ATP11C: variants seen among roughly 807,000 people sequenced by gnomAD.
ATP11C encodes phospholipid-transporting ATPase IG.
In ATP11C, 36 loss-of-function variants were observed where a neutral mutation model predicts 97.4. That is an observed-to-expected ratio of 0.37 (90% confidence interval 0.28 to 0.49). The LOEUF is 0.49. Among genes scored for constraint, ATP11C ranks in the 20% least tolerant of loss-of-function variants. The pLI, the probability that ATP11C is intolerant of heterozygous loss-of-function variation, is 0.98. For synonymous variants in ATP11C, 275 were observed against 290.9 expected (o/e 0.95, Z 0.56); for missense variants, 730 against 824.6 (o/e 0.89, Z 1.40).
chrX:139,936,352 T>C (rs1167939283), upstream of ATP11C, among the ~76,000 whole-genome samples: 1 of 111,334 alleles, frequency 9.0e-6, no homozygotes, highest in African/African-American at 3.3e-5. Flanking sequence ...CCAGGTGTTG[T>C]AGAAAGCTGT....
chrX:139,931,169 T>C (rs1160211228), intron 1 of ATP11C, among the ~76,000 whole-genome samples: 2 of 111,605 alleles, frequency 1.8e-5, no homozygotes, highest in Non-Finnish European at 3.8e-5. Flanking sequence ...CCTCTAGGAG[T>C]AAACAGGTTA....
chrX:139,786,834 C>T (rs1012543554), intron 15 of ATP11C, among the ~76,000 whole-genome samples: 1 of 112,050 alleles, frequency 8.9e-6, no homozygotes, highest in Non-Finnish European at 1.9e-5. Context: ...TGCTTGGACA[C>T]TAGATAGCAG....
rs148807314 is a variant in ATP11C at position 139,906,198 on chromosome X, T to C, written c.27+25818A>G. 1.7e-3 allele frequency among the ~76,000 whole-genome samples: 182 copies of C among 108,039 alleles called. 1 individual carries two copies. The highest frequency in any genetic ancestry group is 5.8e-3 in the African/African-American group (172 of 29,569). The allele number at this position is 108,039 out of a possible 115,157, so 93.8% of individuals were successfully genotyped here. A position where few individuals can be genotyped will look rare whatever the true frequency, so the allele number is the denominator to read the frequency against. ...AGGTGGACATGAGTTACTTAAAGCA[T>C]ATGTAGCTTGAGCCCAGGAGTTCAA... On this transcript the variant is annotated intron_variant, in intron 1 of 29. Coordinates refer to ENST00000682941, the MANE Select transcript of ATP11C (RefSeq NM_001353812.2).
chrX:139,917,205 TAAACTTAA>T (rs1285304081), intron 1 of ATP11C, among the ~76,000 whole-genome samples: 1 of 111,446 alleles, frequency 9.0e-6, no homozygotes, highest in African/African-American at 3.3e-5. Context: ...AACTATCAAT[TAAACTTAA>T]AAATATGCAA....
intron 1 of ATP11C, among the ~76,000 whole-genome samples, chrX:139,887,190 T>C (rs1351452379): frequency 8.9e-6 from 1 of 112,265 alleles, no homozygotes; most frequent in African/African-American, 3.2e-5. Flanking sequence ...TCTTGCACTA[T>C]ACATAAAAGT....
intron 1 of ATP11C, among the ~76,000 whole-genome samples, chrX:139,884,458 C>CA (rs1212874807): frequency 8.9e-6 from 1 of 111,761 alleles, no homozygotes; most frequent in Non-Finnish European, 1.9e-5. Flanking sequence ...TAACCACTTC[C>CA]AAACCAGTAG....
In ATP11C at chrX:139,743,235, C is replaced by T. The variant is rs181368373; in HGVS notation, c.3030+324G>A. On this transcript the variant is annotated intron_variant, in intron 26 of 29. Transcript: ENST00000682941. ...CTCTCTCTCTCACTCTCACCCACAG[C>T]CTGTTTATATGCCACTTATCATAAC... is the stretch of plus-strand genomic sequence containing the variant. 7.4e-4 allele frequency among the ~76,000 whole-genome samples: 81 copies of T among 109,709 alleles called. No homozygotes were observed. In the East Asian group the frequency reaches 0.014, roughly 19 times the overall value.
chrX:139,746,005 C>CTT, intron 24 of ATP11C, 148 bp from the exon 25 acceptor site: 1 of 562,393 alleles, frequency 1.8e-6, no homozygotes, highest in Non-Finnish European at 2.7e-6. Context: ...AAGGGTCAGA[C>CTT]TGAGCCAAAG....
chrX:139,855,334 TAA>T (rs1436140864), intron 1 of ATP11C, among the ~76,000 whole-genome samples: 8 of 111,875 alleles, frequency 7.2e-5, no homozygotes, highest in African/African-American at 1.3e-4. Flanking sequence ...CCCTCAAAAC[TAA>T]AAGTCTTTTA....
At chrX:139,915,479 G>C (rs998907901) in intron 1 of ATP11C, among the ~76,000 whole-genome samples, 8 of 110,366 alleles carry the variant, frequency 7.2e-5, no homozygotes, top group African/African-American at 2.3e-4. Context: ...AGACCAGCCT[G>C]GTCAACACAG....
At chrX:139,799,739 G>C (rs1158451984) in intron 8 of ATP11C, among the ~76,000 whole-genome samples, 1 of 94,149 alleles carries the variant, frequency 1.1e-5, no homozygotes, top group Non-Finnish European at 2.0e-5. Flanking sequence ...TGCGACCTTC[G>C]CCTCCCGGGT....
chrX:139,743,085 C>A (rs764107104), intron 26 of ATP11C, among the ~76,000 whole-genome samples: 1 of 107,972 alleles, frequency 9.3e-6, no homozygotes, highest in Non-Finnish European at 1.9e-5. Flanking sequence ...AGCTCTTTTT[C>A]ACATATTATC....
rs1377862379 is a variant in ATP11C, at chrX:139,742,871, AAAAAAATATATATATATAT to A, written c.3030+669_3030+687del. Among the ~76,000 whole-genome samples, 44 of 22,372 alleles carry A rather than the reference AAAAAAATATATATATATAT, an allele frequency of 2.0e-3. 1 individual carries two copies. Among genetic ancestry groups the A allele is most frequent in the Admixed American group, 6.5e-3 (10 of 1,531 alleles). The allele number at this position is 22,372 out of a possible 115,157, so 19.4% of individuals were successfully genotyped here. On this transcript the variant is annotated intron_variant, in intron 26 of 29. Transcript: ENST00000682941. Reference sequence around the variant, plus strand: ...TTATATTTATTTTTAAATTAAAAAAAAAAAAATATATATATATATATATATATATATATATATATATAAA... The same window carrying A: ...TTATATTTATTTTTAAATTAAAAAAAATATATATATATATATATATATAAA...
At chrX:139,855,352 T>C (rs184593651) in intron 1 of ATP11C, among the ~76,000 whole-genome samples, 2 of 111,993 alleles carry the variant, frequency 1.8e-5, no homozygotes, top group Admixed American at 1.9e-4. Flanking sequence ...TTTTAGCACA[T>C]GTACCACACC....
intron 2 of ATP11C, among the ~76,000 whole-genome samples, chrX:139,823,594 AAATAACTTTTAATGTGTCTG>A (rs1356797259): frequency 1.2e-4 from 13 of 112,243 alleles, no homozygotes; most frequent in African/African-American, 3.2e-4. Flanking sequence ...TTGAGACTCC[AAATAACTTTTAATGTGTCTG>A]AATAACTTTT....
chrX:139,732,658 G>T (rs185831710), intron 28 of ATP11C: 1 of 202,285 alleles, frequency 4.9e-6, no homozygotes, highest in Non-Finnish European at 9.5e-6. Flanking sequence ...ATTCGAAGCC[G>T]AAATGATATG....
chrX:139,900,693 G>C (rs1297872908), intron 1 of ATP11C, among the ~76,000 whole-genome samples: 1 of 111,955 alleles, frequency 8.9e-6, no homozygotes, highest in Non-Finnish European at 1.9e-5. Context: ...CTGATAAAAT[G>C]GGGAGGGGGC....
Position 139,798,322 on chromosome X carries a change from T to C in ATP11C, c.808A>G (p.Met270Val). ...VAVYTGMETK[M>V]ALNYQGKSQK... ...GATTTCCCTTGGTAGTTCAAAGCCA[T>C]TTTGGTTTCCATTCCAGTGTAAACA... Residue 270 changes from methionine to valine, a missense_variant, in exon 10 of 30, where the codon ATG (methionine) becomes GTG (valine). Met to Val is a conservative substitution (Grantham distance 21, BLOSUM62 1). Transcript: ENST00000682941. The C allele has an allele frequency of 8.3e-7, 1 of 1,207,344 alleles. No individual in the cohort carries two copies. Among genetic ancestry groups the C allele is most frequent in the Non-Finnish European group, 1.1e-6 (1 of 893,598 alleles).
intron 12 of ATP11C, among the ~76,000 whole-genome samples, chrX:139,794,405 C>T (rs1367908214): frequency 8.9e-6 from 1 of 112,243 alleles, no homozygotes; most frequent in East Asian, 2.8e-4. Context: ...GCCTAAGAAA[C>T]CATTTCAAGA....
Sources: gnomAD v4.1 joint callset for allele counts (sites outside exome capture counted in the v4.1 genomes callset) on GRCh38, gnomAD v4.1.1 for gene constraint, MANE v1.5 for transcripts, NCBI Gene and HGNC (gene_info 2026-07-23, HGNC 2026-07-21) for gene names.